The following CNTNAP2 variants were observed in gnomAD, a reference collection of about 807,000 sequenced individuals.
The protein encoded by CNTNAP2 is contactin associated protein 2, also known as contactin-associated protein-like 2.
A neutral mutation model predicts 155.2 loss-of-function variants in CNTNAP2; 98 were observed. The ratio of observed to expected loss-of-function variants is 0.63; its 90% CI spans 0.54 to 0.75. The LOEUF (loss-of-function observed/expected upper bound fraction) is 0.75. Among genes scored for constraint, CNTNAP2 ranks in the 30% least tolerant of loss-of-function variants. CNTNAP2 has a pLI of 0.00. For missense variants in CNTNAP2, 1,727 were observed against 1,688.1 expected (o/e 1.02, Z -0.40); for synonymous variants, 651 against 631.2 (o/e 1.03, Z -0.47).
At chr7:148,203,010 A>G (rs1373729701) in intron 18 of CNTNAP2, among the ~76,000 whole-genome samples, 2 of 152,184 alleles carry the variant, frequency 1.3e-5, no homozygotes, top group Non-Finnish European at 2.9e-5. Flanking sequence ...ATAAATCATA[A>G]TCCTTCAGTT....
chr7:147,585,944 A>C (rs1173041854), intron 12 of CNTNAP2, among the ~76,000 whole-genome samples: 1 of 152,144 alleles, frequency 6.6e-6, no homozygotes, highest in African/African-American at 2.4e-5. Context: ...GGAGATCCTG[A>C]GAATATGTGC....
intron 1 of CNTNAP2, among the ~76,000 whole-genome samples, chr7:146,657,050 T>A (rs889257604): frequency 3.3e-5 from 5 of 152,218 alleles, no homozygotes; most frequent in Admixed American, 2.0e-4. Context: ...CATGCAATTA[T>A]CTTTTTGTCA....
intron 20 of CNTNAP2, among the ~76,000 whole-genome samples, chr7:148,255,123 A>G (rs892739247): frequency 6.6e-6 from 1 of 152,238 alleles, no homozygotes; most frequent in Non-Finnish European, 1.5e-5. Flanking sequence ...CTCACACTAC[A>G]TCTCAAAGAA....
At chr7:148,089,135 G>A (rs1412282530) in intron 15 of CNTNAP2, among the ~76,000 whole-genome samples, 1 of 151,894 alleles carries the variant, frequency 6.6e-6, no homozygotes, top group African/African-American at 2.4e-5. Flanking sequence ...CAGCAAATTA[G>A]GTACAGAATA....
intron 3 of CNTNAP2, among the ~76,000 whole-genome samples, chr7:147,026,842 A>G (rs1349857534): frequency 6.7e-6 from 1 of 149,776 alleles, no homozygotes; most frequent in Admixed American, 6.7e-5. Context: ...CTACTTCTTT[A>G]TTCCTCAGAA....
At chr7:147,199,162 G>A (rs777410857) in intron 8 of CNTNAP2, among the ~76,000 whole-genome samples, 1 of 151,820 alleles carries the variant, frequency 6.6e-6, no homozygotes, top group Non-Finnish European at 1.5e-5. Context: ...GAGTTTCACT[G>A]CATTGCCCAG....
intron 21 of CNTNAP2, chr7:148,339,466 T>G (rs949403007): frequency 4.6e-5 from 7 of 152,210 alleles, no homozygotes; most frequent in African/African-American, 1.7e-4. Flanking sequence ...CTTTCAGTGG[T>G]GCGGGGTTTG....
intron 10 of CNTNAP2, among the ~76,000 whole-genome samples, chr7:147,481,048 A>G (rs1584760723): frequency 1.3e-5 from 2 of 152,176 alleles, no homozygotes; most frequent in Non-Finnish European, 2.9e-5. Context: ...CCACCAGAAC[A>G]TATTTCCATG....
At chr7:146,867,911 T>G (rs957295845) in intron 3 of CNTNAP2, among the ~76,000 whole-genome samples, 2 of 146,560 alleles carry the variant, frequency 1.4e-5, no homozygotes, top group African/African-American at 2.5e-5. Flanking sequence ...TTATAGATAC[T>G]GGGTATTAGA....
chr7:148,408,563 A>G (rs896723143), intron 22 of CNTNAP2, among the ~76,000 whole-genome samples: 1 of 152,202 alleles, frequency 6.6e-6, no homozygotes, highest in African/African-American at 2.4e-5. Context: ...TTCTTTTTAC[A>G]TTTAACTGGT....
intron 15 of CNTNAP2, among the ~76,000 whole-genome samples, chr7:148,018,342 T>C (rs1470928747): frequency 1.3e-5 from 2 of 152,228 alleles, no homozygotes; most frequent in Non-Finnish European, 2.9e-5. Flanking sequence ...TATTTATTTA[T>C]AATATTTATG....
At chr7:146,227,731 G>A (rs1799319800) in intron 1 of CNTNAP2, among the ~76,000 whole-genome samples, 1 of 152,126 alleles carries the variant, frequency 6.6e-6, no homozygotes, top group African/African-American at 2.4e-5. Flanking sequence ...GTGGTTCAGG[G>A]ATAATAGAGA....
intron 1 of CNTNAP2, among the ~76,000 whole-genome samples, chr7:146,189,909 TC>T (rs1400957463): frequency 1.3e-5 from 2 of 152,176 alleles, no homozygotes; most frequent in Non-Finnish European, 2.9e-5. Flanking sequence ...TGAAATACTG[TC>T]CAATCACTCT....
chr7:148,150,135 G>C (rs544186312), intron 17 of CNTNAP2, among the ~76,000 whole-genome samples: 1 of 145,748 alleles, frequency 6.9e-6, no homozygotes, highest in South Asian at 2.2e-4. Context: ...AAAAAAGGAC[G>C]GCCACGGTGG....
intron 13 of CNTNAP2, among the ~76,000 whole-genome samples, chr7:147,800,354 G>T (rs2116587574): frequency 6.6e-6 from 1 of 152,068 alleles, no homozygotes; most frequent in South Asian, 2.1e-4. Context: ...CCAACTGCAA[G>T]GAGGAAATGA....
chr7:147,360,666 G>A (rs1796133726), intron 9 of CNTNAP2, among the ~76,000 whole-genome samples: 1 of 151,728 alleles, frequency 6.6e-6, no homozygotes, highest in African/African-American at 2.4e-5. Context: ...ACCCTCTGTA[G>A]ATGTCACACT....
intron 1 of CNTNAP2, among the ~76,000 whole-genome samples, chr7:146,170,018 C>CTTTTTTTTTT (rs71175637): frequency 1.6e-5 from 2 of 126,968 alleles, no homozygotes; most frequent in Non-Finnish European, 1.7e-5. Context: ...CCTTTCTTTT[C>CTTTTTTTTTT]TTTTTTTTTT....
intron 2 of CNTNAP2, among the ~76,000 whole-genome samples, chr7:146,815,003 A>T (rs1803138015): frequency 6.6e-6 from 1 of 152,206 alleles, no homozygotes; most frequent in African/African-American, 2.4e-5. Flanking sequence ...TTGAAAAATT[A>T]ACTCTTATTT....
At chr7:147,286,910 C>T (rs1305163866) in intron 8 of CNTNAP2, among the ~76,000 whole-genome samples, 1 of 152,046 alleles carries the variant, frequency 6.6e-6, no homozygotes, top group Non-Finnish European at 1.5e-5. Context: ...TGACTAGTCC[C>T]TGCTTCTTCA....
Sources: allele counts gnomAD v4.1 joint callset (sites outside exome capture counted in the v4.1 genomes callset), GRCh38; gene constraint gnomAD v4.1.1; transcripts MANE v1.5; gene names NCBI Gene and HGNC (gene_info 2026-07-23, HGNC 2026-07-21).